ATP8A2: variants seen among roughly 807,000 people sequenced by gnomAD.
ATP8A2 encodes phospholipid-transporting ATPase IB.
ATP8A2 carries 100 observed loss-of-function variants against 165.6 expected under a neutral mutation model. The ratio of observed to expected loss-of-function variants is 0.60; its 90% CI spans 0.51 to 0.71. The LOEUF (loss-of-function observed/expected upper bound fraction) is 0.71, where lower values mean the gene tolerates loss of function less well. Ranked by LOEUF, ATP8A2 falls within the 30% of genes least tolerant of loss-of-function variation. ATP8A2 has a pLI of 0.00. For missense variants in ATP8A2, 1,227 were observed against 1,479.5 expected, an observed-to-expected ratio of 0.83 and a Z score of 2.80; for synonymous variants, 543 against 548.8, an observed-to-expected ratio of 0.99 and a Z score of 0.15.
At chr13:25,927,903 A>G (rs912413954) in intron 33 of ATP8A2, among the ~76,000 whole-genome samples, 4 of 152,246 alleles carry the variant, frequency 2.6e-5, no homozygotes, top group Admixed American at 6.5e-5. Flanking sequence ...TGCTTCAAAC[A>G]TTTTACATTG....
chr13:25,807,161 T>C (rs1950759011), intron 27 of ATP8A2, among the ~76,000 whole-genome samples: 1 of 152,058 alleles, frequency 6.6e-6, no homozygotes. Flanking sequence ...AGTGTTTTTT[T>C]TTTTTTAGCA....
intron 20 of ATP8A2, 28 bp from the exon 21 acceptor site, chr13:25,578,787 C>T: frequency 7.6e-7 from 1 of 1,312,594 alleles, no homozygotes; most frequent in African/African-American, 1.4e-5. Context: ...GAAGGCTTTG[C>T]CAGTCACAAT....
intron 24 of ATP8A2, among the ~76,000 whole-genome samples, chr13:25,603,095 G>T (rs900328127): frequency 6.6e-6 from 1 of 151,974 alleles, no homozygotes; most frequent in African/African-American, 2.4e-5. Context: ...AAGTAAAAGG[G>T]TATCTGTTCT....
chr13:25,581,071 G>A (rs1240144431), intron 22 of ATP8A2, among the ~76,000 whole-genome samples: 1 of 152,192 alleles, frequency 6.6e-6, no homozygotes, highest in Non-Finnish European at 1.5e-5. Flanking sequence ...TTTAGAATTA[G>A]AAAAAGGTGA....
intron 33 of ATP8A2, among the ~76,000 whole-genome samples, chr13:25,937,367 T>C (rs1160728336): frequency 6.0e-5 from 8 of 134,414 alleles, no homozygotes; most frequent in South Asian, 5.3e-4. Context: ...TCTTTCTTTT[T>C]TTTTTTTTTT....
intron 33 of ATP8A2, among the ~76,000 whole-genome samples, chr13:25,928,348 T>C (rs1283754925): frequency 6.6e-6 from 1 of 152,242 alleles, no homozygotes; most frequent in East Asian, 1.9e-4. Flanking sequence ...TTCCGTTGAC[T>C]TCTCTGTGTT....
intron 33 of ATP8A2, among the ~76,000 whole-genome samples, chr13:25,870,408 C>G (rs2138804119): frequency 6.6e-6 from 1 of 152,320 alleles, no homozygotes; most frequent in South Asian, 2.1e-4. Context: ...GGGTGGAGCC[C>G]TAGCCAGGGA....
chr13:25,544,200 GGGCTAA>G, intron 10 of ATP8A2, among the ~76,000 whole-genome samples: 1 of 152,348 alleles, frequency 6.6e-6, no homozygotes, highest in Non-Finnish European at 1.5e-5. Flanking sequence ...GGAGCCAGTT[GGGCTAA>G]GGAGTAATAT....
At chr13:25,742,007 A>G (rs1043894735) in intron 25 of ATP8A2, among the ~76,000 whole-genome samples, 1 of 152,296 alleles carries the variant, frequency 6.6e-6, no homozygotes, top group Admixed American at 6.5e-5. Flanking sequence ...TTACTTAATG[A>G]TGGGGATACA....
chr13:25,991,951 A>C, intron 35 of ATP8A2, among the ~76,000 whole-genome samples: 1 of 146,158 alleles, frequency 6.8e-6, no homozygotes, highest in African/African-American at 2.5e-5. Context: ...TATTTAGCTC[A>C]TGATTCTGTG....
chr13:25,874,145 G>A (rs1000171704), intron 33 of ATP8A2, among the ~76,000 whole-genome samples: 5 of 152,142 alleles, frequency 3.3e-5, no homozygotes, highest in African/African-American at 1.2e-4. Context: ...TTGCCCTCAG[G>A]ATAAAGCCTG....
intron 36 of ATP8A2, among the ~76,000 whole-genome samples, chr13:26,017,880 G>A (rs1212348085): frequency 6.6e-6 from 1 of 152,206 alleles, no homozygotes; most frequent in African/African-American, 2.4e-5. Context: ...CAATGGTCTG[G>A]GAGCTGCTTC....
intron 25 of ATP8A2, among the ~76,000 whole-genome samples, chr13:25,761,030 G>A (rs1040033749): frequency 6.6e-6 from 1 of 152,122 alleles, no homozygotes. Context: ...CAAGATGCTT[G>A]CACAGCTGCC....
intron 35 of ATP8A2, among the ~76,000 whole-genome samples, chr13:25,988,655 C>T (rs1956320122): frequency 6.6e-6 from 1 of 152,176 alleles, no homozygotes; most frequent in African/African-American, 2.4e-5. Flanking sequence ...AATTCATTCA[C>T]CCCTTTGTGA....
At position 25,410,399 on chromosome 13, in the gene ATP8A2, G is replaced by A. The variant is rs368996364; in HGVS notation, c.76+38111G>A. 2.3e-4 allele frequency among the ~76,000 whole-genome samples: 35 copies of A among 152,282 alleles called. 3 individuals are homozygous for A. In the South Asian group the frequency reaches 5.6e-3, roughly 24 times the overall value. On this transcript the variant is annotated intron_variant, in intron 1 of 36. Coordinates refer to ENST00000381655, the MANE Select transcript of ATP8A2 (RefSeq NM_016529.6). The stretch of plus-strand genomic sequence containing the variant: ...TTCCTACATAGAAGTTAATTCACTT[G>A]CTTCTGCTGTCATTACATACCTGCT...
intron 35 of ATP8A2, among the ~76,000 whole-genome samples, chr13:25,993,919 A>G (rs994752885): frequency 5.9e-5 from 9 of 152,190 alleles, no homozygotes; most frequent in Admixed American, 5.2e-4. Context: ...CTGTATATCA[A>G]TTTGGAGAAT....
intron 1 of ATP8A2, among the ~76,000 whole-genome samples, chr13:25,420,607 A>C (rs964108459): frequency 3.9e-5 from 6 of 152,234 alleles, no homozygotes; most frequent in Non-Finnish European, 8.8e-5. Flanking sequence ...TGCAGGGCTT[A>C]TTACCTAGGT....
At chr13:25,928,935 C>A (rs1954688643) in intron 33 of ATP8A2, among the ~76,000 whole-genome samples, 1 of 152,236 alleles carries the variant, frequency 6.6e-6, no homozygotes, top group Non-Finnish European at 1.5e-5. Flanking sequence ...AGCTCATGTG[C>A]TGAGTCGCAG....
intron 25 of ATP8A2, among the ~76,000 whole-genome samples, chr13:25,737,735 T>C (rs2043805358): frequency 1.3e-5 from 2 of 152,330 alleles, no homozygotes; most frequent in South Asian, 4.1e-4. Flanking sequence ...CAGGCTGGAG[T>C]GCAGTAGCGC....
Sources: allele counts gnomAD v4.1 joint callset (sites outside exome capture counted in the v4.1 genomes callset), GRCh38; gene constraint gnomAD v4.1.1; transcripts MANE v1.5; gene names NCBI Gene and HGNC (gene_info 2026-07-23, HGNC 2026-07-21).